Variants in PITPNM1 observed in about 807,000 individuals in gnomAD.
The protein encoded by PITPNM1 is membrane-associated phosphatidylinositol transfer protein 1.
Under a neutral mutation model 133.3 loss-of-function variants are expected in PITPNM1, and 74 were observed. The observed-to-expected ratio is 0.56, with a 90% CI of 0.46 to 0.67. PITPNM1 has a LOEUF of 0.67. PITPNM1 is among the 30% of genes least tolerant of loss of function. PITPNM1 has a pLI of 0.00. For missense variants in PITPNM1, 1,398 were observed against 1,739.5 expected (o/e 0.80, Z 3.49); for synonymous variants, 738 against 741.4 (o/e 1.00, Z 0.08).
At position 67,492,084 on chromosome 11, in the gene PITPNM1, C is replaced by G. The variant is rs757087522; in HGVS notation, c.3684G>C (p.Leu1228=). Residue 1228 remains leucine (L), a synonymous_variant, in exon 24 of 24, where the codon CTG becomes CTC. Coordinates refer to ENST00000356404, the MANE Select transcript of PITPNM1 (RefSeq NM_004910.3). ...REGPGTPPTT[L]ARGKARSISL... ...TGATGCTCCGTGCTTTGCCCCGTGC[C>G]AGGGTGGTGGGTGGTGTTCCCGGGC... 1 of 1,612,446 alleles carries G rather than the reference C, an allele frequency of 6.2e-7. No individual in the cohort carries two copies. The highest frequency in any genetic ancestry group is 8.5e-7 in the Non-Finnish European group (1 of 1,179,894).
chr11:67,496,949 C>A, intron 14 of PITPNM1: 1 of 278,268 alleles, frequency 3.6e-6, no homozygotes, highest in East Asian at 6.2e-5. Context: ...AAAAAAAAGG[C>A]TGAGAAGAGG....
chr11:67,499,887 A>G (rs778293736), intron 7 of PITPNM1, 27 bp downstream of exon 7: 1 of 1,602,458 alleles, frequency 6.2e-7, no homozygotes, highest in Non-Finnish European at 8.5e-7. Context: ...GGACATCCCC[A>G]CTCCCAAAAA....
chr11:67,495,802 G>A (rs765182378), intron 15 of PITPNM1, among the ~76,000 whole-genome samples, 200 bp from the exon 16 acceptor site: 5 of 152,186 alleles, frequency 3.3e-5, no homozygotes, highest in Non-Finnish European at 5.9e-5. Context: ...CGCCCCAAAC[G>A]CTGCACACCT....
Position 67,493,805 on chromosome 11 carries a change from G to A in PITPNM1, c.3041C>T (p.Thr1014Ile). ...GDHTYAECCL[T>I]VVARGTEAVV... is the part of the protein sequence containing the mutation. ...AGCCTCCGTGCCGCGGGCCACCACA[G>A]TCAGGCAGCATTCGGCATAGGTGTG... Residue 1014 changes from threonine (T) to isoleucine (I), a missense_variant, in exon 21 of 24, where the codon ACT (threonine) becomes ATT (isoleucine). Physicochemically the swap from Thr to Ile is moderately conservative, Grantham distance 89 (BLOSUM62 -1). This residue lies in a region of PITPNM1 where 233 missense variants were observed against 378.0 expected (regional missense o/e 0.62). Coordinates refer to ENST00000356404, the MANE Select transcript of PITPNM1 (RefSeq NM_004910.3). 6.5e-7 allele frequency: 1 copy of A among 1,550,060 alleles called. No homozygotes were observed.
At chr11:67,496,982 G>A (rs905280363) in intron 14 of PITPNM1, 5 of 390,962 alleles carry the variant, frequency 1.3e-5, no homozygotes, top group African/African-American at 2.1e-5. Flanking sequence ...ATTTGCTGCT[G>A]TGGTGTCTGA....
chr11:67,498,314 G>A lies in PITPNM1; in HGVS notation c.1493C>T (p.Pro498Leu), dbSNP rs1381276930. 2.5e-6 allele frequency: 4 copies of A among 1,576,632 alleles called. No homozygotes were observed. The highest frequency in any genetic ancestry group is 3.4e-6 in the Non-Finnish European group (4 of 1,159,546). ...CAGGCTGTCCCCATCGTGGCTGTAA[G>A]GGCTCAGGCTGTAGGAGGGGGAAAT... Reference protein sequence around the residue: ...AAYALVSNLSPYSHDGDSLSR... With the variant: ...AAYALVSNLSLYSHDGDSLSR... The change falls in exon 11 of 24, where the codon CCT (proline) becomes CTT (leucine). Residue 498 changes from proline (P) to leucine (L), a missense_variant. Around this residue, in one of 5 missense-constraint regions of PITPNM1, gnomAD observed 574 missense variants for 698.7 expected, o/e 0.82. Coordinates refer to ENST00000356404, the MANE Select transcript of PITPNM1 (RefSeq NM_004910.3). The surrounding 1 kb of genome is among the most constrained non-coding windows in gnomAD (Gnocchi z 5.7).
chr11:67,499,810 C>T lies in PITPNM1; in HGVS notation c.1084G>A (p.Glu362Lys), dbSNP rs1322015413. Residue 362 changes from glutamate (E) to lysine (K), a missense_variant, in exon 8 of 24, where the codon GAG becomes AAG. Coordinates refer to ENST00000356404, the MANE Select transcript of PITPNM1 (RefSeq NM_004910.3). ...TTGGTCATCTCCTTGGGGAAGACCTCCTCACTGTCCGAGAAGCCTTCTGAG... is the reference window on the plus strand; with the variant it reads ...TTGGTCATCTCCTTGGGGAAGACCTTCTCACTGTCCGAGAAGCCTTCTGAG... ...DAHEGFSDSE[E>K]VFPKEMTKWN... 31 of 1,563,678 alleles carry T rather than the reference C, an allele frequency of 2.0e-5. No individual in the cohort carries two copies. The South Asian group carries it at 2.3e-4, about 12-fold the overall frequency.
rs755543485 is a variant in PITPNM1 at position 67,502,722 on chromosome 11, T to A, written c.79-4A>T. On this transcript the variant is annotated splice_polypyrimidine_tract_variant and splice_region_variant and intron_variant, in intron 2 of 23. Transcript: ENST00000356404. The surrounding 1 kb of genome is among the most constrained non-coding windows in gnomAD (Gnocchi z 5.9). ...TAGACTCCTCCCGGCTCTTTTTCTG[T>A]GGCCCAAGGGAGAGCAGGACAGGGA... is the stretch of plus-strand genomic sequence containing the variant. The A allele has an allele frequency of 3.7e-6, 6 of 1,611,874 alleles. No homozygotes were observed. In the South Asian group the frequency reaches 4.4e-5, roughly 12 times the overall value.
In PITPNM1 at chr11:67,498,164, C is replaced by A. The variant is rs576354161; in HGVS notation, c.1643G>T (p.Arg548Leu). ...RTNQAYSAFL[R>L]SPEGAGFCGQ... ...ACAGAAGCCGGCACCCTCAGGTGAG[C>A]GCAGGAAGGCTGAGTAGGCCTGGTT... The change falls in exon 11 of 24, where the codon CGC becomes CTC. Residue 548 changes from arginine (R) to leucine (L), a missense_variant. Physicochemically the swap from Arg to Leu is moderately radical, Grantham distance 102. Around this residue, in one of 5 missense-constraint regions of PITPNM1, gnomAD observed 574 missense variants for 698.7 expected, o/e 0.82. Transcript: ENST00000356404. The surrounding 1 kb of genome is among the most constrained non-coding windows in gnomAD (Gnocchi z 5.7). 1.2e-6 allele frequency: 2 copies of A among 1,612,928 alleles called. No individual in the cohort carries two copies. The highest frequency in any genetic ancestry group is 2.7e-5 in the African/African-American group (2 of 74,908).
rs185214419 is a variant in PITPNM1 at position 67,492,503 on chromosome 11, C to T, written c.3472-207G>A. Among the ~76,000 whole-genome samples the T allele has an allele frequency of 6.2e-4, 94 of 152,372 alleles. No homozygotes were observed. In the Middle Eastern group the frequency reaches 0.01, roughly 17 times the overall value. On this transcript the variant is annotated intron_variant, in intron 23 of 23. Coordinates refer to ENST00000356404, the MANE Select transcript of PITPNM1 (RefSeq NM_004910.3). Reference sequence around the variant, plus strand: ...CTCCTAGCTCTGCCCTTCTCTGGGCCTCAGTCTCCTCATCTGGAAAATGGG... The same window carrying T: ...CTCCTAGCTCTGCCCTTCTCTGGGCTTCAGTCTCCTCATCTGGAAAATGGG...
intron 5 of PITPNM1, among the ~76,000 whole-genome samples, chr11:67,501,195 TCA>T (rs1367853650): frequency 6.6e-6 from 1 of 152,240 alleles, no homozygotes; most frequent in East Asian, 1.9e-4. Flanking sequence ...TATTAGCTCT[TCA>T]TATCTGACTC....
chr11:67,491,849 C>T lies in PITPNM1; in HGVS notation c.*184G>A. On this transcript the variant is annotated 3_prime_UTR_variant, in exon 24 of 24. Transcript: ENST00000356404. ...GCCCATGCCCACGCCCTCCTCCCTC[C>T]CCCCGGCGCTGGGTCCCCTCATATG... 4.6e-6 allele frequency: 3 copies of T among 655,868 alleles called. No homozygotes were observed. The highest frequency in any genetic ancestry group is 7.7e-6 in the Non-Finnish European group (3 of 392,112). 40.6% of individuals were successfully genotyped at this position (655,868 alleles called of 1,614,324 possible).
At chr11:67,505,767 C>G (rs1866489587), upstream of PITPNM1, among the ~76,000 whole-genome samples, 1 of 152,198 alleles carries the variant, frequency 6.6e-6, no homozygotes, top group South Asian at 2.1e-4. The surrounding 1 kb of genome is among the most constrained non-coding windows in gnomAD (Gnocchi z 5.8). Flanking sequence ...TGACATGCCT[C>G]CACCTAGGGC....
rs569223451 is a variant in PITPNM1 at position 67,495,308 on chromosome 11, T to C, written c.2483-83A>G. 46 of 1,482,122 alleles carry C rather than the reference T, an allele frequency of 3.1e-5. No homozygotes were observed. The South Asian group carries it at 5.2e-4, about 17-fold the overall frequency. 91.8% of individuals were successfully genotyped at this position (1,482,122 alleles called of 1,614,324 possible). A position where few individuals can be genotyped will look rare whatever the true frequency, so the allele number is the denominator to read the frequency against. ...GCGCTGGGTGCTCTTCCCTCCCCCCTTTTCACCCAGCCTGCTCTTTGCCAA... is the reference window on the plus strand; with the variant it reads ...GCGCTGGGTGCTCTTCCCTCCCCCCCTTTCACCCAGCCTGCTCTTTGCCAA... On this transcript the variant is annotated intron_variant, in intron 16 of 23. Transcript: ENST00000356404.
rs531231257 is a variant in PITPNM1 at position 67,493,074 on chromosome 11, G to A, written c.3343-12C>T. On this transcript the variant is annotated splice_polypyrimidine_tract_variant and intron_variant, in intron 22 of 23. Coordinates refer to ENST00000356404, the MANE Select transcript of PITPNM1 (RefSeq NM_004910.3). Reference sequence around the variant, plus strand: ...ATGTTCAGTTCTACCTGTGGCGGGAGATGCCAATCAGCCGCCCCAGGGGTG... The same window carrying A: ...ATGTTCAGTTCTACCTGTGGCGGGAAATGCCAATCAGCCGCCCCAGGGGTG... 3.1e-5 allele frequency: 50 copies of A among 1,612,750 alleles called. No homozygotes were observed. The South Asian group carries it at 5.3e-4, about 17-fold the overall frequency.
At position 67,498,706 on chromosome 11, in the gene PITPNM1, G is replaced by C. The variant is rs770674349; in HGVS notation, c.1374C>G (p.Ser458=). ...GGATGCGGGTGACGGCCTCGAAGGC[G>C]GAGCTCAGCGTCTGCACATCCGCCT... ...SKQADVQTLS[S]AFEAVTRIHF... is the part of the protein sequence containing the mutation. The change falls in exon 10 of 24, where the codon TCC becomes TCG. Residue 458 remains serine (S), a synonymous_variant. Transcript: ENST00000356404. This position sits in a 1 kb window ranked among gnomAD's most constrained non-coding sequence, Gnocchi z 5.7. 6.2e-7 allele frequency: 1 copy of C among 1,607,154 alleles called. No individual in the cohort carries two copies. Among genetic ancestry groups the C allele is most frequent in the Non-Finnish European group, 8.5e-7 (1 of 1,179,974 alleles).
intron 18 of PITPNM1, 93 bp downstream of exon 18, chr11:67,494,753 G>C (rs149141351): frequency 3.9e-6 from 3 of 760,544 alleles, no homozygotes; most frequent in Admixed American, 2.0e-5. Context: ...GCTAGGACCC[G>C]AGGAGGGGGG....
At position 67,493,963 on chromosome 11, in the gene PITPNM1, G is replaced by A. The variant is rs762721774; in HGVS notation, c.2967C>T (p.Arg989=). Residue 989 remains arginine (R), a synonymous_variant, in exon 20 of 24, where the codon CGC becomes CGT. Transcript: ENST00000356404. ...GRLTFPVPPE[R]ALGIGVYPVR... is the part of the protein sequence containing the mutation. ...CGGGGTAGACACCAATGCCCAGCGC[G>A]CGTTCTGGGGGAACTGGGAAGGTGA... 14 of 1,609,824 alleles carry A rather than the reference G, an allele frequency of 8.7e-6. No individual in the cohort carries two copies. The South Asian group carries it at 1.2e-4, about 14-fold the overall frequency.
chr11:67,502,298 T>C lies in PITPNM1; in HGVS notation c.409A>G (p.Ile137Val), dbSNP rs772832658. 2.5e-6 allele frequency: 4 copies of C among 1,613,106 alleles called. No homozygotes were observed. The highest frequency in any genetic ancestry group is 3.3e-4 in the Middle Eastern group (2 of 6,062). ...NLSGAERRQR[I>V]LDTIDIVRDA... is the part of the protein sequence containing the mutation. ...CCATAGCTCCAGGCCTCACCCAGGA[T>C]GCGCTGTCTCCTCTCGGCCCCGCTC... The change falls in exon 4 of 24, where the codon ATC becomes GTC. Residue 137 changes from isoleucine to valine, a missense_variant. This residue lies in a region of PITPNM1 where 274 missense variants were observed against 360.7 expected (regional missense o/e 0.76). Coordinates refer to ENST00000356404, the MANE Select transcript of PITPNM1 (RefSeq NM_004910.3). The surrounding 1 kb of genome is among the most constrained non-coding windows in gnomAD (Gnocchi z 5.9).
Sources: gnomAD v4.1 joint callset for allele counts (sites outside exome capture counted in the v4.1 genomes callset) on GRCh38, gnomAD v4.1.1 for gene constraint, gnomAD v4.1.1 regional missense constraint, Gnocchi (gnomAD v3.1) non-coding constraint, MANE v1.5 for transcripts, NCBI Gene and HGNC (gene_info 2026-07-23, HGNC 2026-07-21) for gene names.